The following FMN1 variants were observed in gnomAD, a reference collection of about 807,000 sequenced individuals.
FMN1 encodes the protein formin-1.
Under a neutral mutation model 132.4 loss-of-function variants are expected in FMN1, and 110 were observed. The ratio of observed to expected loss-of-function variants is 0.83; its 90% CI spans 0.71 to 0.97. The LOEUF (loss-of-function observed/expected upper bound fraction) is 0.97, where lower values mean the gene tolerates loss of function less well. FMN1 is among the 50% of genes least tolerant of loss of function. The pLI is 0.00. For missense variants in FMN1, 1,792 were observed against 1,705.3 expected, an observed-to-expected ratio of 1.05 and a Z score of -0.90; for synonymous variants, 722 against 651.7, an observed-to-expected ratio of 1.11 and a Z score of -1.64.
At chr15:33,151,302 T>TCCTTATA in intron 4 of FMN1, 1 of 1,536,422 alleles carries the variant, frequency 6.5e-7, no homozygotes, top group South Asian at 1.2e-5. Context: ...TCTTCTTTTA[T>TCCTTATA]AAGGTTAGAA....
intron 3 of FMN1, among the ~76,000 whole-genome samples, chr15:33,156,213 G>A (rs1162146155): frequency 6.6e-6 from 1 of 151,410 alleles, no homozygotes; most frequent in Non-Finnish European, 1.5e-5. Context: ...AGAATGCCAG[G>A]AGACCAGGAG....
At chr15:33,116,228 C>A (rs1322936256) in intron 4 of FMN1, among the ~76,000 whole-genome samples, 1 of 151,628 alleles carries the variant, frequency 6.6e-6, no homozygotes, top group Non-Finnish European at 1.5e-5. Context: ...TTGACCTAGT[C>A]TAGGAAGCAT....
intron 4 of FMN1, among the ~76,000 whole-genome samples, chr15:33,097,860 A>C (rs954400299): frequency 6.6e-6 from 1 of 152,232 alleles, no homozygotes; most frequent in East Asian, 1.9e-4. Context: ...GCTTGACAGA[A>C]AATCAGTACA....
intron 6 of FMN1, among the ~76,000 whole-genome samples, chr15:33,019,684 T>A (rs1251539812): frequency 2.0e-5 from 3 of 152,190 alleles, no homozygotes; most frequent in Non-Finnish European, 4.4e-5. Flanking sequence ...CCAGCACTGC[T>A]GGGAGACCCG....
At chr15:33,146,562 A>G (rs924064694) in intron 4 of FMN1, among the ~76,000 whole-genome samples, 1 of 152,126 alleles carries the variant, frequency 6.6e-6, no homozygotes, top group Non-Finnish European at 1.5e-5. Flanking sequence ...TGAAAAAAAA[A>G]TTCCTAGAAC....
intron 16 of FMN1, among the ~76,000 whole-genome samples, chr15:32,884,307 C>T (rs1250874126): frequency 2.0e-5 from 3 of 152,160 alleles, no homozygotes; most frequent in Admixed American, 1.3e-4. Flanking sequence ...GCCTTTTCCA[C>T]TTCTAGAGGC....
At chr15:32,878,815 A>C (rs1272820036) in intron 16 of FMN1, among the ~76,000 whole-genome samples, 1 of 152,154 alleles carries the variant, frequency 6.6e-6, no homozygotes, top group Non-Finnish European at 1.5e-5. Context: ...TCAATATTTT[A>C]TGTTTCTTGT....
At position 32,766,314 on chromosome 15, in the gene FMN1, G is replaced by A. The variant is rs2056043488; in HGVS notation, c.*7996C>T. ...ATGTTTGAATCATGAATAGTAGTAA[G>A]AATGGAGCGGCAATAAAAATCCTTA... On this transcript the variant is annotated 3_prime_UTR_variant, in exon 21 of 21. Transcript: ENST00000616417. 1 of 152,166 alleles carries A rather than the reference G, an allele frequency of 6.6e-6. No individual in the cohort carries two copies. Among genetic ancestry groups the A allele is most frequent in the Admixed American group, 6.5e-5 (1 of 15,274 alleles). 9.4% of individuals were successfully genotyped at this position (152,166 alleles called of 1,614,324 possible). A position where few individuals can be genotyped will look rare whatever the true frequency, so the allele number is the denominator to read the frequency against.
intron 6 of FMN1, among the ~76,000 whole-genome samples, chr15:33,009,670 A>G (rs1290145245): frequency 1.3e-5 from 2 of 152,166 alleles, no homozygotes; most frequent in African/African-American, 4.8e-5. Context: ...CTCCACAATA[A>G]CCCTATGATG....
intron 16 of FMN1, among the ~76,000 whole-genome samples, chr15:32,877,168 T>C (rs2059657012): frequency 6.6e-6 from 1 of 152,070 alleles, no homozygotes; most frequent in African/African-American, 2.4e-5. Context: ...GTGCCTGTAG[T>C]CCCAGCTACT....
intron 6 of FMN1, among the ~76,000 whole-genome samples, chr15:33,054,248 A>T (rs2037113661): frequency 6.6e-6 from 1 of 152,212 alleles, no homozygotes; most frequent in Admixed American, 6.5e-5. Flanking sequence ...AATAGAGACA[A>T]AGACCAAAAA....
intron 9 of FMN1, among the ~76,000 whole-genome samples, chr15:32,929,766 T>TC (rs2061058425): frequency 1.8e-5 from 1 of 57,000 alleles, no homozygotes; most frequent in Non-Finnish European, 3.8e-5. Flanking sequence ...CAAGATTTCC[T>TC]TTTTTTTTTT....
intron 17 of FMN1, among the ~76,000 whole-genome samples, chr15:32,825,442 C>G (rs926007522): frequency 6.6e-6 from 1 of 152,154 alleles, no homozygotes; most frequent in Non-Finnish European, 1.5e-5. Flanking sequence ...TTTCTGCGTA[C>G]GATGTGTTTT....
intron 9 of FMN1, among the ~76,000 whole-genome samples, chr15:32,939,584 T>C (rs958180946): frequency 6.6e-6 from 1 of 152,180 alleles, no homozygotes; most frequent in Non-Finnish European, 1.5e-5. Context: ...TTCCCTAGCT[T>C]TTCTTTTGTT....
chr15:33,114,919 C>T (rs963722668), intron 4 of FMN1, among the ~76,000 whole-genome samples: 2 of 81,182 alleles, frequency 2.5e-5, no homozygotes, highest in African/African-American at 5.8e-5. Context: ...TACTGTCCAG[C>T]CAGCTAACTG....
chr15:33,018,893 C>T (rs1026462248), intron 6 of FMN1, among the ~76,000 whole-genome samples: 5 of 152,150 alleles, frequency 3.3e-5, no homozygotes, highest in African/African-American at 1.2e-4. Flanking sequence ...CCGGTGGGTT[C>T]GTAGTCTCAC....
chr15:33,180,454 G>A (rs80296213), intron 2 of FMN1, among the ~76,000 whole-genome samples, 192 bp from the exon 3 acceptor site: 8,438 of 152,136 alleles, frequency 0.055, 778 homozygotes, highest in African/African-American at 0.19. Flanking sequence ...TGCCTCTTCC[G>A]TGAGATAACC....
chr15:32,894,143 A>G (rs989889381), intron 15 of FMN1, among the ~76,000 whole-genome samples: 12 of 152,142 alleles, frequency 7.9e-5, no homozygotes, highest in Admixed American at 6.6e-4. Flanking sequence ...TATTAACATT[A>G]TATCCAGTTC....
intron 12 of FMN1, among the ~76,000 whole-genome samples, chr15:32,905,307 T>C (rs1398194272): frequency 2.0e-5 from 3 of 152,232 alleles, no homozygotes; most frequent in African/African-American, 2.4e-5. Flanking sequence ...TATGTGCACA[T>C]AGGCGATACA....
Sources: gnomAD v4.1 joint callset for allele counts (sites outside exome capture counted in the v4.1 genomes callset) on GRCh38, gnomAD v4.1.1 for gene constraint, MANE v1.5 for transcripts, NCBI Gene and HGNC (gene_info 2026-07-23, HGNC 2026-07-21) for gene names.